CMIP: variants seen among roughly 807,000 people sequenced by gnomAD.
CMIP encodes C-Maf-inducing protein.
CMIP carries 13 observed loss-of-function variants against 97.3 expected under a neutral mutation model. That is an observed-to-expected ratio of 0.13 (90% CI 0.09 to 0.21). The LOEUF (loss-of-function observed/expected upper bound fraction) is 0.21. CMIP is among the 10% of genes least tolerant of loss of function. The pLI, the probability that CMIP is intolerant of heterozygous loss-of-function variation, is 1.00. For missense variants in CMIP, 847 were observed against 1,024.9 expected, an observed-to-expected ratio of 0.83 and a Z score of 2.37; for synonymous variants, 538 against 436.3, an observed-to-expected ratio of 1.23 and a Z score of -2.91.
At chr16:81,662,228 C>G (rs1288795737) in intron 6 of CMIP, among the ~76,000 whole-genome samples, 1 of 152,196 alleles carries the variant, frequency 6.6e-6, no homozygotes, top group Non-Finnish European at 1.5e-5. Context: ...GCCTCTCAAG[C>G]TTAGGATTTC....
intron 10 of CMIP, among the ~76,000 whole-genome samples, chr16:81,686,342 A>G (rs746145511): frequency 8.5e-5 from 13 of 152,204 alleles, no homozygotes; most frequent in South Asian, 2.1e-4. Context: ...ATGTCCTGAC[A>G]TGCACACGAC....
chr16:81,693,459 A>G lies in CMIP; in HGVS notation c.1502A>G (p.Gln501Arg). 6.2e-7 allele frequency: 1 copy of G among 1,612,552 alleles called. No homozygotes were observed. The highest frequency in any genetic ancestry group is 8.5e-7 in the Non-Finnish European group (1 of 1,179,322). ...TCCAGGGAACTGAAGTACGTGATTC[A>G]GAGGTTCGCCGAAGACCCCAGGCAA... ...KFTKELKYVI[Q>R]RFAEDPRQEV... The change falls in exon 13 of 21, where the codon CAG (glutamine) becomes CGG (arginine). Residue 501 changes from glutamine (Q) to arginine (R), a missense_variant. This residue lies in a region of CMIP where 266 missense variants were observed against 384.2 expected (regional missense o/e 0.69). Transcript: ENST00000537098.
chr16:81,690,073 T>C, intron 10 of CMIP, among the ~76,000 whole-genome samples: 1 of 152,204 alleles, frequency 6.6e-6, no homozygotes, highest in Non-Finnish European at 1.5e-5. Context: ...TAGTAGAGTT[T>C]GAAGTCAGGT....
chr16:81,693,527 G>T (rs371746174), intron 13 of CMIP, 40 bp downstream of exon 13: 1 of 1,593,654 alleles, frequency 6.3e-7, no homozygotes, highest in African/African-American at 1.3e-5. Flanking sequence ...GGCTGTCTGG[G>T]GATGGCAGGA....
intron 1 of CMIP, among the ~76,000 whole-genome samples, chr16:81,570,733 G>A (rs1161058143): frequency 1.3e-5 from 2 of 152,192 alleles, no homozygotes; most frequent in Non-Finnish European, 2.9e-5. Flanking sequence ...AGACGCCGGT[G>A]CTCTGTCTCT....
At chr16:81,536,837 A>G (rs1298966177) in intron 1 of CMIP, among the ~76,000 whole-genome samples, 1 of 152,020 alleles carries the variant, frequency 6.6e-6, no homozygotes, top group Non-Finnish European at 1.5e-5. Context: ...AGCTCAGTGA[A>G]TTTTTGCCAA....
rs376370488 is a variant in CMIP, at chr16:81,640,770, G to GTGTGTGTGTGTGTGTGTGTGTC, written c.478-11432_478-11431insGTGTGTGTGTGTGTGTGTGTCT. Among the ~76,000 whole-genome samples the GTGTGTGTGTGTGTGTGTGTGTC allele has an allele frequency of 1.1e-3, 148 of 135,714 alleles. 2 individuals carry two copies. The highest frequency in any genetic ancestry group is 3.9e-3 in the Middle Eastern group (1 of 256). The allele number at this position is 135,714 out of a possible 152,430, so 89.0% of individuals were successfully genotyped here. A position where few individuals can be genotyped will look rare whatever the true frequency, so the allele number is the denominator to read the frequency against. ...TGTGTGTGTGTGTGTGTGTGTGTGTGTCTCTCTCTCTCTCCACATGGCCTT... is the reference window on the plus strand; with the variant it reads ...TGTGTGTGTGTGTGTGTGTGTGTGTGTGTGTGTGTGTGTGTGTGTGTCTCTCTCTCTCTCTCCACATGGCCTT... On this transcript the variant is annotated intron_variant, in intron 3 of 20. Coordinates refer to ENST00000537098, the MANE Select transcript of CMIP (RefSeq NM_198390.3).
chr16:81,445,490 C>A lies in CMIP; in HGVS notation c.249C>A (p.Arg83=). The A allele has an allele frequency of 6.4e-7, 1 of 1,556,142 alleles. No individual in the cohort carries two copies. Among genetic ancestry groups the A allele is most frequent in the Non-Finnish European group, 8.7e-7 (1 of 1,149,960 alleles). ...TCCTCACCTCGAAATTCCTGAGGCG[C>A]TGGGAGCCGCACCACCTAACGCTGG... The part of the protein sequence containing the change: ...SKILTSKFLR[R]WEPHHLTLAD... Residue 83 remains arginine (R), a synonymous_variant, in exon 1 of 21, where the codon CGC becomes CGA. Transcript: ENST00000537098.
At chr16:81,612,832 G>C (rs1322671212) in intron 2 of CMIP, among the ~76,000 whole-genome samples, 1 of 151,944 alleles carries the variant, frequency 6.6e-6, no homozygotes, top group Non-Finnish European at 1.5e-5. Flanking sequence ...GACCCTCAGG[G>C]TTGGGCTGGG....
At chr16:81,705,713 A>T in intron 19 of CMIP, 109 bp downstream of exon 19, 1 of 668,740 alleles carries the variant, frequency 1.5e-6, no homozygotes, top group Non-Finnish European at 2.5e-6. Flanking sequence ...AGATAGAGAA[A>T]TTCGTTCATT....
intron 1 of CMIP, among the ~76,000 whole-genome samples, chr16:81,477,968 G>A (rs1381040561): frequency 6.6e-6 from 1 of 152,234 alleles, no homozygotes; most frequent in East Asian, 1.9e-4. Context: ...CCATCATGTG[G>A]CATCCCCGGC....
chr16:81,597,043 A>G (rs571147604), intron 1 of CMIP, among the ~76,000 whole-genome samples: 3 of 152,220 alleles, frequency 2.0e-5, no homozygotes, highest in South Asian at 4.1e-4. Flanking sequence ...GGATTTCTTT[A>G]TTCATTCTTC....
intron 1 of CMIP, among the ~76,000 whole-genome samples, chr16:81,473,882 A>C (rs961451244): frequency 1.3e-5 from 2 of 151,426 alleles, no homozygotes; most frequent in Admixed American, 6.6e-5. Context: ...CATTCCCCTA[A>C]AAAGTTCCGG....
intron 1 of CMIP, among the ~76,000 whole-genome samples, chr16:81,573,301 G>A (rs1393919160): frequency 6.6e-6 from 1 of 151,230 alleles, no homozygotes; most frequent in Non-Finnish European, 1.5e-5. Context: ...CCGAGATCGC[G>A]TCACTGCACT....
chr16:81,497,436 T>A (rs1368790543), intron 1 of CMIP, among the ~76,000 whole-genome samples: 1 of 151,956 alleles, frequency 6.6e-6, no homozygotes, highest in East Asian at 1.9e-4. Context: ...TAAGTAGGGG[T>A]CTCTAGGAAC....
At chr16:81,490,821 G>A (rs1300252491) in intron 1 of CMIP, among the ~76,000 whole-genome samples, 1 of 152,090 alleles carries the variant, frequency 6.6e-6, no homozygotes, top group African/African-American at 2.4e-5. Flanking sequence ...GAGAGCAAAT[G>A]CACAGGCCCC....
intron 2 of CMIP, among the ~76,000 whole-genome samples, chr16:81,607,910 C>T (rs2091771354): frequency 6.6e-6 from 1 of 152,182 alleles, no homozygotes; most frequent in African/African-American, 2.4e-5. Context: ...ACACCTGCTG[C>T]AGTCTAGGAA....
At chr16:81,577,034 CCA>C (rs1567589594) in intron 1 of CMIP, among the ~76,000 whole-genome samples, 4,451 of 140,600 alleles carry the variant, frequency 0.032, 251 homozygotes, top group African/African-American at 0.091. Context: ...ATCACCATCA[CCA>C]TCATCACCAT....
At chr16:81,551,298 A>G (rs966103763) in intron 1 of CMIP, among the ~76,000 whole-genome samples, 1 of 152,232 alleles carries the variant, frequency 6.6e-6, no homozygotes, top group South Asian at 2.1e-4. Context: ...ACCATGGGCA[A>G]CCAAAAGCCA....
Sources: allele counts gnomAD v4.1 joint callset (sites outside exome capture counted in the v4.1 genomes callset), GRCh38; gene constraint gnomAD v4.1.1; regional missense constraint gnomAD v4.1.1; transcripts MANE v1.5; gene names NCBI Gene and HGNC (gene_info 2026-07-23, HGNC 2026-07-21).